Variants in GUCY1A2 observed in about 807,000 individuals in gnomAD.
The protein encoded by GUCY1A2 is guanylate cyclase 1 soluble subunit alpha 2.
Under a neutral mutation model 63.5 loss-of-function variants are expected in GUCY1A2, and 27 were observed. The observed-to-expected ratio is 0.43, with a 90% confidence interval of 0.31 to 0.59. The LOEUF (loss-of-function observed/expected upper bound fraction) is 0.59, where lower values mean the gene tolerates loss of function less well. Among genes scored for constraint, GUCY1A2 ranks in the 20% least tolerant of loss-of-function variants. The probability of loss-of-function intolerance (pLI) is 0.11; values close to 1 mark genes in which losing one functional copy is unlikely to be tolerated. For missense variants in GUCY1A2, 768 were observed against 913.3 expected, an observed-to-expected ratio of 0.84 and a Z score of 2.05; for synonymous variants, 364 against 343.5, an observed-to-expected ratio of 1.06 and a Z score of -0.66.
At chr11:106,868,680 C>T (rs1859629869) in intron 4 of GUCY1A2, among the ~76,000 whole-genome samples, 1 of 152,112 alleles carries the variant, frequency 6.6e-6, no homozygotes. Context: ...GGCCCTACTG[C>T]CCAAGGTAAT....
At chr11:106,957,855 CTTTT>C (rs59519013) in intron 3 of GUCY1A2, among the ~76,000 whole-genome samples, 8 of 87,238 alleles carry the variant, frequency 9.2e-5, no homozygotes, top group African/African-American at 2.8e-4. Flanking sequence ...AAGGGACAAA[CTTTT>C]TTTTTTTTTT....
At chr11:106,741,810 T>C (rs1863699606) in intron 6 of GUCY1A2, among the ~76,000 whole-genome samples, 1 of 152,206 alleles carries the variant, frequency 6.6e-6, no homozygotes, top group African/African-American at 2.4e-5. Flanking sequence ...ATGAAGATGA[T>C]AGATTTTACC....
chr11:106,690,559 A>G (rs1159991905), intron 7 of GUCY1A2, among the ~76,000 whole-genome samples: 2 of 152,214 alleles, frequency 1.3e-5, no homozygotes, highest in Non-Finnish European at 2.9e-5. Flanking sequence ...GGAGAGGTTC[A>G]GGAAAATAAC....
intron 1 of GUCY1A2, among the ~76,000 whole-genome samples, chr11:106,999,753 T>C (rs915076087): frequency 6.6e-6 from 1 of 152,196 alleles, no homozygotes; most frequent in Non-Finnish European, 1.5e-5. Flanking sequence ...GAATTGTTAA[T>C]TTCTATCACT....
At chr11:106,781,929 A>C (rs1247741647) in intron 5 of GUCY1A2, among the ~76,000 whole-genome samples, 1 of 152,104 alleles carries the variant, frequency 6.6e-6, no homozygotes, top group African/African-American at 2.4e-5. Context: ...TTAGCTCCTA[A>C]TTAAATTTCA....
chr11:106,903,119 A>G (rs978202430), intron 4 of GUCY1A2, among the ~76,000 whole-genome samples: 1 of 147,330 alleles, frequency 6.8e-6, no homozygotes, highest in Non-Finnish European at 1.5e-5. Context: ...TAAAATAAAT[A>G]TGTAAAATCT....
At chr11:106,724,685 GC>G (rs1229357287) in intron 6 of GUCY1A2, among the ~76,000 whole-genome samples, 1 of 152,112 alleles carries the variant, frequency 6.6e-6, no homozygotes, top group Non-Finnish European at 1.5e-5. Flanking sequence ...TTATCTGCCT[GC>G]CCTTATGAGT....
intron 5 of GUCY1A2, among the ~76,000 whole-genome samples, chr11:106,793,826 A>G (rs1363721293): frequency 4.6e-5 from 7 of 152,136 alleles, no homozygotes; most frequent in Non-Finnish European, 7.4e-5. Flanking sequence ...TGTTAGAATG[A>G]TGATTATCAA....
At chr11:106,725,274 G>A (rs1258620754) in intron 6 of GUCY1A2, among the ~76,000 whole-genome samples, 1 of 88,724 alleles carries the variant, frequency 1.1e-5, no homozygotes. Context: ...CCGGGTTCAC[G>A]CCATTCTCCT....
intron 1 of GUCY1A2, among the ~76,000 whole-genome samples, chr11:107,015,546 G>A (rs1282733135): frequency 1.1e-5 from 1 of 91,718 alleles, no homozygotes; most frequent in African/African-American, 4.3e-5. Context: ...TTAGAAATCT[G>A]TAAATTCTCT....
intron 6 of GUCY1A2, among the ~76,000 whole-genome samples, chr11:106,730,749 C>T (rs543911277): frequency 2.5e-4 from 38 of 152,152 alleles, no homozygotes; most frequent in African/African-American, 6.0e-4. Flanking sequence ...TATAAGCATT[C>T]GTTTTTCTCC....
At chr11:106,788,829 GT>G (rs1458802389) in intron 5 of GUCY1A2, among the ~76,000 whole-genome samples, 1 of 152,082 alleles carries the variant, frequency 6.6e-6, no homozygotes, top group African/African-American at 2.4e-5. Context: ...TTGAAGTCAG[GT>G]ATTGTAATTC....
Position 106,828,020 on chromosome 11 carries a change from G to A in GUCY1A2, c.1207-17542C>T, listed in dbSNP as rs1036014916. ...CAGAGAATCCGACCTACGGGTGCTCGGGCCCTTTGCCCACTTTTAATGTAG... is the reference window on the plus strand; with the variant it reads ...CAGAGAATCCGACCTACGGGTGCTCAGGCCCTTTGCCCACTTTTAATGTAG... On this transcript the variant is annotated intron_variant, in intron 4 of 7. Coordinates refer to ENST00000526355, the MANE Select transcript of GUCY1A2 (RefSeq NM_000855.3). 3.4e-5 allele frequency: 22 copies of A among 652,940 alleles called. No homozygotes were observed. The East Asian group carries it at 5.2e-4, about 15-fold the overall frequency. 40.4% of individuals were successfully genotyped at this position (652,940 alleles called of 1,614,324 possible).
intron 6 of GUCY1A2, among the ~76,000 whole-genome samples, chr11:106,762,338 G>A (rs893180974): frequency 2.0e-5 from 3 of 152,026 alleles, no homozygotes; most frequent in Non-Finnish European, 4.4e-5. Flanking sequence ...ATCATCCAAA[G>A]ATATAATAGC....
At chr11:106,904,927 T>C (rs1305407334) in intron 4 of GUCY1A2, among the ~76,000 whole-genome samples, 1 of 152,072 alleles carries the variant, frequency 6.6e-6, no homozygotes, top group Non-Finnish European at 1.5e-5. Flanking sequence ...AAAATGAAGA[T>C]ATATAAGCAA....
intron 6 of GUCY1A2, among the ~76,000 whole-genome samples, chr11:106,709,904 AATAGTTATATATAACAT>A (rs1270724491): frequency 0.02 from 25 of 1,244 alleles, no homozygotes; most frequent in Non-Finnish European, 0.047. Context: ...ACACGTATAG[AATAGTTATATATAACAT>A]ATAGTTATAT....
chr11:106,917,808 G>A (rs1860388311), intron 4 of GUCY1A2, among the ~76,000 whole-genome samples: 1 of 97,742 alleles, frequency 1.0e-5, no homozygotes, highest in African/African-American at 3.3e-5. Flanking sequence ...TGGGGGGAGG[G>A]GGGAGGGATG....
intron 6 of GUCY1A2, among the ~76,000 whole-genome samples, chr11:106,775,115 C>G (rs1864332405): frequency 6.6e-6 from 1 of 151,920 alleles, no homozygotes; most frequent in African/African-American, 2.4e-5. Flanking sequence ...TTTTAATAAC[C>G]TTTATCTTCC....
At chr11:106,921,097 A>C (rs1860438542) in intron 4 of GUCY1A2, among the ~76,000 whole-genome samples, 1 of 152,096 alleles carries the variant, frequency 6.6e-6, no homozygotes, top group Admixed American at 6.6e-5. Flanking sequence ...GCCTTACTCA[A>C]TCCATGTGCA....
Sources: allele counts gnomAD v4.1 joint callset (sites outside exome capture counted in the v4.1 genomes callset), GRCh38; gene constraint gnomAD v4.1.1; transcripts MANE v1.5; gene names NCBI Gene and HGNC (gene_info 2026-07-23, HGNC 2026-07-21).